The following PVALB variants were observed in gnomAD, a reference collection of about 807,000 sequenced individuals.
PVALB encodes the protein parvalbumin, also known as parvalbumin alpha.
Under a neutral mutation model 10.9 loss-of-function variants are expected in PVALB, and 11 were observed. The ratio of observed to expected loss-of-function variants is 1.01; its 90% CI spans 0.63 to 1.67. PVALB has a LOEUF of 1.67. PVALB is among the 40% of genes most tolerant of loss of function. The pLI is 0.00. For missense variants in PVALB, 131 were observed against 136.2 expected (o/e 0.96, Z 0.19); for synonymous variants, 57 against 50.7 (o/e 1.12, Z -0.53).
chr22:36,801,638 G>A (rs959972040), intron 3 of PVALB, among the ~76,000 whole-genome samples: 4 of 152,078 alleles, frequency 2.6e-5, no homozygotes, highest in Non-Finnish European at 5.9e-5. Context: ...TGTATCTACT[G>A]AAAATGCAAA....
At chr22:36,804,156 C>T (rs1938915392) in intron 3 of PVALB, among the ~76,000 whole-genome samples, 1 of 152,162 alleles carries the variant, frequency 6.6e-6, no homozygotes, top group South Asian at 2.1e-4. Flanking sequence ...TGCCCTGACC[C>T]CTTCATCCTC....
intron 3 of PVALB, among the ~76,000 whole-genome samples, chr22:36,809,795 T>C (rs919993479): frequency 6.6e-6 from 1 of 150,746 alleles, no homozygotes; most frequent in African/African-American, 2.4e-5. Flanking sequence ...GAGACATCTG[T>C]GAAATCCCGG....
intron 3 of PVALB, among the ~76,000 whole-genome samples, chr22:36,807,027 T>C (rs1434158497): frequency 6.6e-6 from 1 of 152,230 alleles, no homozygotes; most frequent in African/African-American, 2.4e-5. Context: ...AGGCCAGTTA[T>C]GTAAGGAAGG....
chr22:36,816,872 G>T (rs1221374013), intron 1 of PVALB, 73 bp downstream of exon 1: 3 of 1,334,260 alleles, frequency 2.2e-6, no homozygotes, highest in East Asian at 2.7e-5. Context: ...CGCCGGCTGC[G>T]GGGCCGGCGG....
chr22:36,817,289 C>T (rs929533456), upstream of PVALB: 3 of 288,134 alleles, frequency 1.0e-5, no homozygotes, highest in Non-Finnish European at 1.3e-5. Context: ...GGCCAGGGCA[C>T]GAGGGAAGGG....
chr22:36,806,575 C>A (rs1569090902), intron 3 of PVALB, among the ~76,000 whole-genome samples: 1 of 152,158 alleles, frequency 6.6e-6, no homozygotes, highest in Non-Finnish European at 1.5e-5. Flanking sequence ...AGGAGCCGGC[C>A]TCCTGGTTTA....
At chr22:36,819,398 C>T (rs1438285336), upstream of PVALB, 1 of 152,358 alleles carries the variant, frequency 6.6e-6, no homozygotes, top group African/African-American at 2.4e-5. Context: ...TGCTGCATCC[C>T]TCTATCCTCC....
At chr22:36,806,431 G>T (rs182648838) in intron 3 of PVALB, among the ~76,000 whole-genome samples, 1 of 152,142 alleles carries the variant, frequency 6.6e-6, no homozygotes, top group Non-Finnish European at 1.5e-5. Context: ...CCAAGGCCGC[G>T]GGGATTGGAC....
chr22:36,803,377 T>G (rs1484890314), intron 3 of PVALB, among the ~76,000 whole-genome samples: 1 of 152,192 alleles, frequency 6.6e-6, no homozygotes, highest in African/African-American at 2.4e-5. Flanking sequence ...GCACTTATTT[T>G]TGTCAGTCTC....
intron 3 of PVALB, among the ~76,000 whole-genome samples, chr22:36,805,890 A>G (rs943262212): frequency 2.0e-5 from 3 of 152,194 alleles, no homozygotes; most frequent in Non-Finnish European, 4.4e-5. Flanking sequence ...CGGAAAGCCT[A>G]AAGAGCAGCC....
At chr22:36,817,982 T>C (rs1453652187), upstream of PVALB, among the ~76,000 whole-genome samples, 39 of 152,122 alleles carry the variant, frequency 2.6e-4, no homozygotes, top group Admixed American at 2.6e-3. Flanking sequence ...GGGTCTGAAC[T>C]TCACCTCTGG....
chr22:36,800,876 G>C lies in PVALB; in HGVS notation c.*14C>G. On this transcript the variant is annotated 3_prime_UTR_variant, in exon 4 of 4. Coordinates refer to ENST00000417718, the MANE Select transcript of PVALB (RefSeq NM_001315532.2). ...AGGGCAGAGAGGTGGAAGACCAGGG[G>C]CAGTCAGTGCTTCTTAGCTTTCAGC... 6.2e-7 allele frequency: 1 copy of C among 1,605,026 alleles called. No homozygotes were observed. Among genetic ancestry groups the C allele is most frequent in the Non-Finnish European group, 8.5e-7 (1 of 1,171,700 alleles).
intron 1 of PVALB, among the ~76,000 whole-genome samples, chr22:36,815,763 G>A (rs1375610862): frequency 6.6e-6 from 1 of 152,128 alleles, no homozygotes; most frequent in Non-Finnish European, 1.5e-5. Context: ...AAACCCGGAA[G>A]TCCTGGCTCT....
In PVALB at chr22:36,802,623, A is replaced by AAAAG. The variant is rs1555910494; in HGVS notation, c.305-1709_305-1706dup. On this transcript the variant is annotated intron_variant, in intron 3 of 3. Transcript: ENST00000417718. ...TCACACAAAAAAAAAAAAAAAAAAA[A>AAAAG]AAAGAAAGAAACAACCTGGCACTGG... is the stretch of plus-strand genomic sequence containing the variant. Among the ~76,000 whole-genome samples the AAAAG allele has an allele frequency of 1.5e-3, 175 of 119,006 alleles. 10 individuals carry two copies. The highest frequency in any genetic ancestry group is 3.1e-3 in the African/African-American group (81 of 26,548). The allele number at this position is 119,006 out of a possible 152,430, so 78.1% of individuals were successfully genotyped here.
intron 3 of PVALB, among the ~76,000 whole-genome samples, chr22:36,813,129 G>A (rs1174197044): frequency 2.0e-5 from 3 of 152,204 alleles, no homozygotes; most frequent in Admixed American, 2.0e-4. Flanking sequence ...AACAGGTTTT[G>A]AGACTTGGGG....
chr22:36,805,334 G>T (rs1199132194), intron 3 of PVALB, among the ~76,000 whole-genome samples: 1 of 152,134 alleles, frequency 6.6e-6, no homozygotes, highest in Non-Finnish European at 1.5e-5. Context: ...TCGGTCACAG[G>T]CCTGATGCAT....
intron 3 of PVALB, chr22:36,813,391 C>T (rs59115119): frequency 0.017 from 7,724 of 459,080 alleles, 503 homozygotes; most frequent in African/African-American, 0.14. Flanking sequence ...CCAAATCCTC[C>T]TGGATCCCCT....
At chr22:36,810,719 C>G (rs1034988626) in intron 3 of PVALB, among the ~76,000 whole-genome samples, 2 of 152,238 alleles carry the variant, frequency 1.3e-5, no homozygotes, top group South Asian at 4.1e-4. Context: ...AGGCTGGACA[C>G]ACATGACATG....
At chr22:36,805,987 C>A (rs1938943131) in intron 3 of PVALB, among the ~76,000 whole-genome samples, 1 of 152,170 alleles carries the variant, frequency 6.6e-6, no homozygotes, top group African/African-American at 2.4e-5. Context: ...CAACTTAGTT[C>A]CTGATCCTCA....
Sources: allele counts gnomAD v4.1 joint callset (sites outside exome capture counted in the v4.1 genomes callset), GRCh38; gene constraint gnomAD v4.1.1; transcripts MANE v1.5; gene names NCBI Gene and HGNC (gene_info 2026-07-23, HGNC 2026-07-21).